RUFY1: variants seen among roughly 807,000 people sequenced by gnomAD.
The protein encoded by RUFY1 is RUN and FYVE domain-containing protein 1.
Under a neutral mutation model 94.6 loss-of-function variants are expected in RUFY1, and 54 were observed. The ratio of observed to expected loss-of-function variants is 0.57; its 90% CI spans 0.46 to 0.72. The LOEUF (loss-of-function observed/expected upper bound fraction) is 0.72. Among genes scored for constraint, RUFY1 ranks in the 30% least tolerant of loss-of-function variants. RUFY1 has a pLI of 0.00. For missense variants in RUFY1, 883 were observed against 883.9 expected (o/e 1.00, Z 0.01); for synonymous variants, 396 against 347.3 (o/e 1.14, Z -1.56).
At chr5:179,585,939 G>A (rs1018846546) in intron 8 of RUFY1, 74 bp downstream of exon 8, 93 of 1,197,630 alleles carry the variant, frequency 7.8e-5, no homozygotes, top group Non-Finnish European at 1.2e-6. Context: ...TAGTCGGTCT[G>A]CGATAGCAGA....
chr5:179,596,222 T>C (rs1765624274), intron 12 of RUFY1: 1 of 361,484 alleles, frequency 2.8e-6, no homozygotes. Flanking sequence ...GAACCATTGA[T>C]ACACATGGAA....
chr5:179,577,159 C>CTTTT (rs748319712), intron 6 of RUFY1, 23 bp downstream of exon 6: 3,273 of 186,582 alleles, frequency 0.018, 517 homozygotes, highest in South Asian at 0.026. Flanking sequence ...TTGTATGTCA[C>CTTTT]TTTTTTTTTT....
chr5:179,555,613 A>G, intron 1 of RUFY1: 1 of 384,932 alleles, frequency 2.6e-6, no homozygotes, highest in East Asian at 8.1e-5. Context: ...CCCTAAGAAA[A>G]CTCCCAACTT....
intron 4 of RUFY1, among the ~76,000 whole-genome samples, chr5:179,568,488 T>C (rs1201325011): frequency 6.6e-6 from 1 of 152,226 alleles, no homozygotes; most frequent in Non-Finnish European, 1.5e-5. Context: ...TTGTCGAACA[T>C]ATCTTTACAC....
intron 2 of RUFY1, among the ~76,000 whole-genome samples, chr5:179,561,698 T>TC: frequency 8.4e-6 from 1 of 118,670 alleles, no homozygotes; most frequent in African/African-American, 3.2e-5. Flanking sequence ...TTTTTTTTTT[T>TC]TTTTTGAAGA....
In RUFY1 at chr5:179,562,683, T is replaced by C; in HGVS notation, c.602+19T>C. 1 of 1,262,412 alleles carries C rather than the reference T, an allele frequency of 7.9e-7. No homozygotes were observed. The highest frequency in any genetic ancestry group is 1.2e-6 in the Non-Finnish European group (1 of 866,252). 78.2% of individuals were successfully genotyped at this position (1,262,412 alleles called of 1,614,324 possible). On this transcript the variant is annotated intron_variant, in intron 3 of 17. Transcript: ENST00000319449. ...AATTAAAGTGAGTGAGAAGTAGTTC[T>C]GCCAATTTGATGATTTTAAAAACTC...
At chr5:179,578,731 C>T (rs923438008) in intron 6 of RUFY1, among the ~76,000 whole-genome samples, 2 of 152,088 alleles carry the variant, frequency 1.3e-5, no homozygotes, top group African/African-American at 2.4e-5. Flanking sequence ...GAAACCTCCA[C>T]CTCCCAGGTT....
chr5:179,559,485 A>G, intron 1 of RUFY1, among the ~76,000 whole-genome samples: 1 of 152,226 alleles, frequency 6.6e-6, no homozygotes, highest in East Asian at 1.9e-4. Flanking sequence ...CTATCCGGCA[A>G]GAGAGAAGGC....
At chr5:179,584,650 GCAAGGTGGGAGGC>G (rs368717963) in intron 7 of RUFY1, among the ~76,000 whole-genome samples, 5 of 151,852 alleles carry the variant, frequency 3.3e-5, no homozygotes, top group African/African-American at 9.7e-5. Flanking sequence ...GGGCCTGGTG[GCAAGGTGGGAGGC>G]CAAGGTGGGA....
At chr5:179,598,603 T>A in intron 13 of RUFY1, 89 bp from the exon 14 acceptor site, 1 of 1,494,208 alleles carries the variant, frequency 6.7e-7, no homozygotes, top group South Asian at 1.2e-5. Flanking sequence ...ATTCAGAGAC[T>A]TCCCTGTTTC....
intron 13 of RUFY1, 46 bp downstream of exon 13, chr5:179,596,727 G>A (rs777946778): frequency 1.4e-6 from 2 of 1,424,126 alleles, no homozygotes; most frequent in Non-Finnish European, 1.8e-6. Context: ...GCTCAGGAGG[G>A]ACTGGGAAGA....
chr5:179,559,430 C>G (rs1762271414), intron 1 of RUFY1, among the ~76,000 whole-genome samples: 1 of 152,244 alleles, frequency 6.6e-6, no homozygotes, highest in Admixed American at 6.5e-5. Flanking sequence ...GAATTTGAGC[C>G]TGGAGCTGAG....
At chr5:179,561,229 A>T (rs10055270) in intron 2 of RUFY1, among the ~76,000 whole-genome samples, 35,387 of 111,714 alleles carry the variant, frequency 0.32, 4,275 homozygotes, top group South Asian at 0.47. Flanking sequence ...ATAAATAAAT[A>T]AATTAATTAA....
At chr5:179,575,138 T>G (rs947956751) in intron 5 of RUFY1, among the ~76,000 whole-genome samples, 1 of 151,650 alleles carries the variant, frequency 6.6e-6, no homozygotes, top group Non-Finnish European at 1.5e-5. Flanking sequence ...ACATTTATGT[T>G]CACGTAGGTT....
Position 179,566,470 on chromosome 5 carries a change from G to T in RUFY1, c.603-991G>T, listed in dbSNP as rs150051008. Among the ~76,000 whole-genome samples the T allele has an allele frequency of 6.7e-3, 1,023 of 152,094 alleles. 13 individuals carry two copies. The highest frequency in any genetic ancestry group is 0.023 in the African/African-American group (973 of 41,496). Reference sequence around the variant, plus strand: ...AAAATACAAAAATTAGCTGGGCGTGGTGGCAGGTGCCTGTAATCCCAGCTA... The same window carrying T: ...AAAATACAAAAATTAGCTGGGCGTGTTGGCAGGTGCCTGTAATCCCAGCTA... On this transcript the variant is annotated intron_variant, in intron 3 of 17. Coordinates refer to ENST00000319449, the MANE Select transcript of RUFY1 (RefSeq NM_025158.5).
In RUFY1 at chr5:179,605,900, A is replaced by T. The variant is rs1313403871; in HGVS notation, c.1881A>T (p.Ile627=). The T allele has an allele frequency of 6.2e-7, 1 of 1,609,984 alleles. No individual in the cohort carries two copies. Among genetic ancestry groups the T allele is most frequent in the Admixed American group, 1.7e-5 (1 of 59,886 alleles). ...LSQSKLKMED[I]KEVNQALKGH... is the part of the protein sequence containing the mutation. ...GGTCCAAGCTGAAGATGGAAGATAT[A>T]AAAGAAGTGAACCAGGCACTGAAGG... is the stretch of plus-strand genomic sequence containing the variant. Residue 627 remains isoleucine, a synonymous_variant, in exon 16 of 18, where the codon ATA becomes ATT. Transcript: ENST00000319449.
chr5:179,602,381 C>T (rs1766528948), intron 15 of RUFY1: 1 of 185,270 alleles, frequency 5.4e-6, no homozygotes, highest in Non-Finnish European at 1.2e-5. Context: ...ACTCACCCGC[C>T]TTGCACAGCA....
intron 6 of RUFY1, among the ~76,000 whole-genome samples, chr5:179,578,629 ATGT>A (rs1349134966): frequency 6.6e-6 from 1 of 150,398 alleles, no homozygotes; most frequent in Non-Finnish European, 1.5e-5. Flanking sequence ...ACTACCATTT[ATGT>A]TGTTTGTTTG....
At chr5:179,555,552 C>T (rs1762071049) in intron 1 of RUFY1, 1 of 364,818 alleles carries the variant, frequency 2.7e-6, no homozygotes, top group Non-Finnish European at 5.4e-6. Flanking sequence ...CAGCACCACC[C>T]AGCGCTGATT....
Sources: gnomAD v4.1 joint callset for allele counts (sites outside exome capture counted in the v4.1 genomes callset) on GRCh38, gnomAD v4.1.1 for gene constraint, MANE v1.5 for transcripts, NCBI Gene and HGNC (gene_info 2026-07-23, HGNC 2026-07-21) for gene names.